PTPA: variants seen among roughly 807,000 people sequenced by gnomAD.
PTPA encodes the protein serine/threonine-protein phosphatase 2A activator.
A neutral mutation model predicts 43.6 loss-of-function variants in PTPA; 13 were observed. The ratio of observed to expected loss-of-function variants is 0.30; its 90% CI spans 0.19 to 0.47. The LOEUF is 0.47. PTPA is among the 20% of genes least tolerant of loss of function. The pLI is 0.99. For missense variants in PTPA, 329 were observed against 411.9 expected (o/e 0.80, Z 1.74); for synonymous variants, 172 against 158.2 (o/e 1.09, Z -0.66).
At chr9:129,142,778 A>G in intron 9 of PTPA, 1 of 1,536,222 alleles carries the variant, frequency 6.5e-7, no homozygotes, top group East Asian at 2.4e-5. Flanking sequence ...GCTGCAGTCC[A>G]GCTCTGTCCT....
intron 3 of PTPA, among the ~76,000 whole-genome samples, chr9:129,123,948 G>T (rs1307619405): frequency 6.6e-6 from 1 of 152,174 alleles, no homozygotes; most frequent in Non-Finnish European, 1.5e-5. Context: ...CTCCCAAAGT[G>T]CTGGGATTAC....
rs1171844979 is a variant in PTPA at position 129,148,443 on chromosome 9, T to C, written c.*979T>C. ...CCTGCTTCTCTGCTCCCCTGGGTGA[T>C]GGGTGGGCCCAGAAGGTGGCAGTCC... On this transcript the variant is annotated 3_prime_UTR_variant, in exon 10 of 10. Transcript: ENST00000393370. 1 of 152,662 alleles carries C rather than the reference T, an allele frequency of 6.6e-6. No individual in the cohort carries two copies. The highest frequency in any genetic ancestry group is 1.9e-4 in the East Asian group (1 of 5,214). 9.5% of individuals were successfully genotyped at this position (152,662 alleles called of 1,614,324 possible).
At chr9:129,134,234 C>T (rs1167509706) in intron 5 of PTPA, among the ~76,000 whole-genome samples, 2 of 147,502 alleles carry the variant, frequency 1.4e-5, no homozygotes, top group African/African-American at 2.5e-5. Context: ...GTTAAACCTA[C>T]GTAATGAAAT....
intron 6 of PTPA, among the ~76,000 whole-genome samples, chr9:129,136,206 A>T (rs7862210): frequency 0.59 from 90,244 of 151,952 alleles, 28,741 homozygotes; most frequent in Non-Finnish European, 0.7. Context: ...TGACCTTGTG[A>T]TCCGCCTGCC....
intron 1 of PTPA, among the ~76,000 whole-genome samples, chr9:129,115,199 A>G (rs903819232): frequency 2.6e-5 from 4 of 152,218 alleles, no homozygotes; most frequent in African/African-American, 4.8e-5. Flanking sequence ...ATTTTCCCAT[A>G]AAAGCAATGT....
chr9:129,126,904 C>T (rs1018851602), intron 3 of PTPA, among the ~76,000 whole-genome samples: 14 of 152,128 alleles, frequency 9.2e-5, no homozygotes, highest in African/African-American at 2.9e-4. Context: ...CCTGTGACTC[C>T]GTCTTCTCTG....
intron 5 of PTPA, 129 bp from the exon 6 acceptor site, chr9:129,134,666 G>C: frequency 1.5e-6 from 1 of 667,636 alleles, no homozygotes; most frequent in Non-Finnish European, 2.6e-6. Context: ...TGGGGAAGAG[G>C]TCTCATTGTC....
intron 1 of PTPA, chr9:129,119,070 C>T: frequency 5.7e-6 from 1 of 174,752 alleles, no homozygotes; most frequent in Non-Finnish European, 1.3e-5. Flanking sequence ...ATGATCTCAG[C>T]TCACTGCAAC....
At chr9:129,131,750 A>G in intron 5 of PTPA, 111 bp downstream of exon 5, 1 of 1,079,842 alleles carries the variant, frequency 9.3e-7, no homozygotes, top group South Asian at 1.4e-5. Context: ...AGAATTCGCC[A>G]AGCACCTGCA....
chr9:129,144,257 C>T (rs910237163), intron 9 of PTPA, among the ~76,000 whole-genome samples: 1 of 151,776 alleles, frequency 6.6e-6, no homozygotes, highest in South Asian at 2.1e-4. Flanking sequence ...CACAGGCTGT[C>T]GGGGTCTCCG....
intron 9 of PTPA, among the ~76,000 whole-genome samples, chr9:129,144,346 T>C (rs1272802291): frequency 6.6e-6 from 1 of 151,708 alleles, no homozygotes; most frequent in Non-Finnish European, 1.5e-5. Context: ...TCTCTAGTAA[T>C]CTGAAAAAGG....
At chr9:129,116,100 A>C (rs900064963) in intron 1 of PTPA, among the ~76,000 whole-genome samples, 1 of 149,686 alleles carries the variant, frequency 6.7e-6, no homozygotes, top group Non-Finnish European at 1.5e-5. Flanking sequence ...GGCTCACTGC[A>C]ACCTCTGCCT....
chr9:129,145,879 T>G (rs1588544149), intron 9 of PTPA, among the ~76,000 whole-genome samples: 1 of 152,026 alleles, frequency 6.6e-6, no homozygotes, highest in Non-Finnish European at 1.5e-5. Flanking sequence ...TCCGCCCAGG[T>G]ACATGGGAGG....
chr9:129,131,519 C>T lies in PTPA; in HGVS notation c.343-3C>T. ...CACCACTTTGTGTCTCTTGTGTTAC[C>T]AGGAAGCAGAAAACTTGGTGGCCAC... On this transcript the variant is annotated splice_polypyrimidine_tract_variant and splice_region_variant and intron_variant, in intron 4 of 9. Transcript: ENST00000393370. The T allele has an allele frequency of 6.2e-7, 1 of 1,613,146 alleles. No individual in the cohort carries two copies. The highest frequency in any genetic ancestry group is 8.5e-7 in the Non-Finnish European group (1 of 1,179,826).
upstream of PTPA, chr9:129,110,951 T>C (rs1391420687): frequency 4.4e-5 from 60 of 1,359,288 alleles, no homozygotes; most frequent in Admixed American, 4.8e-4. This position sits in a 1 kb window ranked among gnomAD's most constrained non-coding sequence, Gnocchi z 5.3. Context: ...GGGCGAGTCA[T>C]TGAGACCTGT....
intron 1 of PTPA, among the ~76,000 whole-genome samples, chr9:129,120,164 A>G (rs1182026667): frequency 6.6e-6 from 1 of 152,182 alleles, no homozygotes; most frequent in African/African-American, 2.4e-5. Flanking sequence ...ACACTGAGGC[A>G]GGAGAATCGC....
At chr9:129,115,443 T>C (rs999864498) in intron 1 of PTPA, among the ~76,000 whole-genome samples, 1 of 152,154 alleles carries the variant, frequency 6.6e-6, no homozygotes, top group Non-Finnish European at 1.5e-5. Context: ...CTGGCACTTT[T>C]CTTTTCTTCA....
intron 9 of PTPA, chr9:129,142,755 C>A: frequency 6.5e-7 from 1 of 1,536,554 alleles, no homozygotes; most frequent in Non-Finnish European, 8.7e-7. Context: ...ACCAGCCACC[C>A]CAGCCCCGAA....
intron 1 of PTPA, among the ~76,000 whole-genome samples, chr9:129,114,139 G>A (rs1160009717): frequency 6.6e-6 from 1 of 151,816 alleles, no homozygotes; most frequent in Non-Finnish European, 1.5e-5. Flanking sequence ...TGCGATTCTC[G>A]TGCCTCAGCC....
Sources: allele counts gnomAD v4.1 joint callset (sites outside exome capture counted in the v4.1 genomes callset), GRCh38; gene constraint gnomAD v4.1.1; non-coding constraint Gnocchi (gnomAD v3.1); transcripts MANE v1.5; gene names NCBI Gene and HGNC (gene_info 2026-07-23, HGNC 2026-07-21).